CCDC57: variants seen among roughly 807,000 people sequenced by gnomAD.
CCDC57 encodes coiled-coil domain-containing protein 57.
A neutral mutation model predicts 118.9 loss-of-function variants in CCDC57; 118 were observed. The observed-to-expected ratio is 0.99, with a 90% CI of 0.86 to 1.16. CCDC57 has a LOEUF of 1.16. Ranked by LOEUF, CCDC57 falls within the 50% of genes most tolerant of loss-of-function variation. The pLI, the probability that CCDC57 is intolerant of heterozygous loss-of-function variation, is 0.00. For missense variants in CCDC57, 1,300 were observed against 1,320.7 expected, an observed-to-expected ratio of 0.98 and a Z score of 0.24; for synonymous variants, 527 against 532.9, an observed-to-expected ratio of 0.99 and a Z score of 0.15.
rs1599536707 is a variant in CCDC57, at chr17:82,212,514, A to C, written c.-211+271T>G. Among the ~76,000 whole-genome samples the C allele has an allele frequency of 1.3e-5, 2 of 150,266 alleles. 1 individual carries two copies. Among genetic ancestry groups the C allele is most frequent in the African/African-American group, 4.9e-5 (2 of 40,658 alleles). On this transcript the variant is annotated intron_variant, in intron 1 of 19. Coordinates refer to ENST00000665763, the Ensembl canonical transcript of CCDC57. This position sits in a 1 kb window ranked among gnomAD's most constrained non-coding sequence, Gnocchi z 4.1. ...CCGGGGCTGCGGGGCCCTGGTCGGC[A>C]GCGCCCACCGCCCCAGGTCACCCAC...
chr17:82,129,778 A>G (rs1314140176), intron 17 of CCDC57, among the ~76,000 whole-genome samples: 2 of 151,798 alleles, frequency 1.3e-5, no homozygotes, highest in Non-Finnish European at 2.9e-5. Flanking sequence ...ATACAGAGGA[A>G]CCCCTTGGGA....
At chr17:82,178,438 G>A (rs2045796025) in intron 11 of CCDC57, 36 bp downstream of exon 10, 2 of 1,563,088 alleles carry the variant, frequency 1.3e-6, no homozygotes, top group Non-Finnish European at 8.7e-7. Flanking sequence ...CGCTGCTGTT[G>A]AGCAAAGTTT....
At chr17:82,186,145 T>G (rs1192200158) in intron 8 of CCDC57, among the ~76,000 whole-genome samples, 2 of 152,052 alleles carry the variant, frequency 1.3e-5, no homozygotes, top group East Asian at 3.9e-4. Context: ...AGCTCATACT[T>G]GGGATCATGG....
intron 6 of CCDC57, 49 bp from the exon 6 acceptor site, chr17:82,193,879 A>C: frequency 1.3e-6 from 2 of 1,569,932 alleles, no homozygotes; most frequent in Non-Finnish European, 1.7e-6. Flanking sequence ...ATGAAAGCAA[A>C]GACCAGCCTG....
chr17:82,113,469 G>T, intron 19 of CCDC57: 1 of 717,634 alleles, frequency 1.4e-6, no homozygotes, highest in Non-Finnish European at 2.6e-6. Flanking sequence ...TTCCTGGACA[G>T]CAGGACTGTC....
At chr17:82,174,722 C>A (rs1351225095) in intron 11 of CCDC57, among the ~76,000 whole-genome samples, 1 of 152,254 alleles carries the variant, frequency 6.6e-6, no homozygotes, top group East Asian at 1.9e-4. Flanking sequence ...TAGAGCCCTG[C>A]ACCTGGTACC....
chr17:82,107,505 C>T (rs1378913896), intron 19 of CCDC57: 1 of 470,686 alleles, frequency 2.1e-6, no homozygotes, highest in Non-Finnish European at 4.4e-6. Flanking sequence ...AAAGCGGACC[C>T]CCGCCAGAAA....
Position 82,188,298 on chromosome 17 carries a change from C to G in CCDC57, c.973G>C (p.Glu325Gln). Residue 325 changes from glutamate to glutamine, a missense_variant, in exon 8 of 20, where the codon GAG becomes CAG. By Grantham distance (29) the Glu-to-Gln change is conservative. Coordinates refer to ENST00000665763, the Ensembl canonical transcript of CCDC57. The stretch of plus-strand genomic sequence containing the variant: ...CTGCGGAGCTGCGCCTCGAGGGTCT[C>G]GCAGTGGGCCTGCAGCTCCAGAACC... 5.0e-6 allele frequency: 8 copies of G among 1,596,196 alleles called. 1 individual carries two copies. The highest frequency in any genetic ancestry group is 3.3e-4 in the Middle Eastern group (2 of 6,038).
In CCDC57 at chr17:82,161,211, T is replaced by C. The variant is rs150167597; in HGVS notation, c.2040+1989A>G. Among the ~76,000 whole-genome samples the C allele has an allele frequency of 3.5e-3, 529 of 152,246 alleles. 4 individuals carry two copies. The highest frequency in any genetic ancestry group is 5.8e-3 in the South Asian group (28 of 4,826). On this transcript the variant is annotated intron_variant, in intron 14 of 19. Transcript: ENST00000665763. ...ATCACAGCCAGAAAACAGCTAGTGT[T>C]GGTGGGGATGGGGGAACCGGAACCC...
At chr17:82,181,310 C>G (rs897232649) in intron 9 of CCDC57, among the ~76,000 whole-genome samples, 1 of 152,240 alleles carries the variant, frequency 6.6e-6, no homozygotes, top group Non-Finnish European at 1.5e-5. Context: ...GGGCGGCCGG[C>G]GGAGCATCCT....
intron 16 of CCDC57, among the ~76,000 whole-genome samples, chr17:82,150,265 G>A (rs1255123834): frequency 2.3e-4 from 23 of 102,152 alleles, no homozygotes; most frequent in Admixed American, 3.9e-4. Context: ...AACCTGACCC[G>A]CACCCAGAAC....
At chr17:82,196,349 C>T (rs1017202581) in intron 4 of CCDC57, among the ~76,000 whole-genome samples, 2 of 152,234 alleles carry the variant, frequency 1.3e-5, no homozygotes, top group African/African-American at 2.4e-5. Context: ...CATCCATAAT[C>T]GACAAAGCTC....
At chr17:82,175,383 T>G (rs534013255) in intron 11 of CCDC57, among the ~76,000 whole-genome samples, 1 of 152,208 alleles carries the variant, frequency 6.6e-6, no homozygotes, top group East Asian at 1.9e-4. Context: ...GGCTCGGCAG[T>G]GTGAAAGGAA....
chr17:82,132,585 CCTT>C (rs2038548246), intron 17 of CCDC57, among the ~76,000 whole-genome samples: 2 of 152,058 alleles, frequency 1.3e-5, no homozygotes, highest in African/African-American at 4.8e-5. Flanking sequence ...AAATTTCCTT[CCTT>C]CTTTGTTTTT....
chr17:82,184,027 G>GCTCACACACACACA, intron 8 of CCDC57, 95 bp from the exon 8 acceptor site: 1 of 325,790 alleles, frequency 3.1e-6, no homozygotes, highest in East Asian at 6.9e-5. Flanking sequence ...GCGCGCGCGC[G>GCTCACACACACACA]CGCGCACACA....
At chr17:82,202,330 T>G (rs892787986) in intron 2 of CCDC57, among the ~76,000 whole-genome samples, 5 of 149,234 alleles carry the variant, frequency 3.4e-5, no homozygotes, top group Admixed American at 6.6e-5. Flanking sequence ...TAGCCTGCTG[T>G]GGTGGCACGT....
chr17:82,160,830 C>T (rs902499155), intron 14 of CCDC57, among the ~76,000 whole-genome samples: 6 of 132,556 alleles, frequency 4.5e-5, no homozygotes, highest in South Asian at 2.4e-4. Flanking sequence ...GCCGAGATCA[C>T]GCCATTGCAC....
intron 19 of CCDC57, among the ~76,000 whole-genome samples, chr17:82,111,820 T>C (rs1423335290): frequency 2.0e-5 from 3 of 152,064 alleles, no homozygotes; most frequent in Non-Finnish European, 2.9e-5. Context: ...TTGGCCAGGC[T>C]GGTTGTGAAC....
chr17:82,153,121 C>G (rs534501005), intron 15 of CCDC57, among the ~76,000 whole-genome samples: 113 of 152,190 alleles, frequency 7.4e-4, no homozygotes, highest in African/African-American at 2.6e-3. Context: ...GGCTCACTCA[C>G]CACCCTGGGA....
Sources: allele counts gnomAD v4.1 joint callset (sites outside exome capture counted in the v4.1 genomes callset), GRCh38; gene constraint gnomAD v4.1.1; non-coding constraint Gnocchi (gnomAD v3.1); transcripts MANE v1.5; gene names NCBI Gene and HGNC (gene_info 2026-07-23, HGNC 2026-07-21).